Variants in FGF13 observed in about 807,000 individuals in gnomAD.
FGF13 encodes the protein fibroblast growth factor homologous factor 2.
A neutral mutation model predicts 19.5 loss-of-function variants in FGF13; 2 were observed. That is an observed-to-expected ratio of 0.10 (90% CI 0.04 to 0.32). The LOEUF is 0.32. Ranked by LOEUF, FGF13 falls within the 10% of genes least tolerant of loss-of-function variation. The pLI is 1.00. For missense variants in FGF13, 113 were observed against 192.7 expected (o/e 0.59, Z 2.45); for synonymous variants, 72 against 76.9 (o/e 0.94, Z 0.33).
At chrX:138,852,731 T>C, downstream of FGF13, among the ~76,000 whole-genome samples, 1 of 111,758 alleles carries the variant, frequency 8.9e-6, no homozygotes, top group East Asian at 2.8e-4. Flanking sequence ...AAAGAGCTTC[T>C]GCACAGCAAA....
At chrX:138,683,964 T>A (rs2124195300) in intron 3 of FGF13, among the ~76,000 whole-genome samples, 1 of 111,341 alleles carries the variant, frequency 9.0e-6, no homozygotes, top group South Asian at 3.8e-4. Flanking sequence ...AAAGACTCAT[T>A]AGAAACCTAT....
intron 3 of FGF13, among the ~76,000 whole-genome samples, chrX:138,825,014 T>C (rs2091025017): frequency 8.9e-6 from 1 of 111,871 alleles, no homozygotes; most frequent in Admixed American, 9.5e-5. Flanking sequence ...AGAAAAGTGT[T>C]CCTTTAAAGA....
exon 1 of FGF13, chrX:139,203,421 C>A (rs2084433055): frequency 1.9e-5 from 2 of 106,848 alleles, no homozygotes; most frequent in African/African-American, 3.5e-5. Context: ...CTCACCTTTG[C>A]ACGCGGCGTG....
At chrX:138,994,818 C>A (rs2092034188) in intron 1 of FGF13, among the ~76,000 whole-genome samples, 2 of 110,686 alleles carry the variant, frequency 1.8e-5, no homozygotes, top group Admixed American at 9.7e-5. Flanking sequence ...AGCATGTAAA[C>A]AAGCATCTAC....
At chrX:138,800,420 G>T (rs765724781) in intron 3 of FGF13, among the ~76,000 whole-genome samples, 5 of 111,927 alleles carry the variant, frequency 4.5e-5, no homozygotes, top group Admixed American at 9.5e-5. Context: ...CTTCTGGCTT[G>T]TAGGGTTTCT....
chrX:139,068,073 TG>T (rs2092363151), intron 1 of FGF13, among the ~76,000 whole-genome samples: 1 of 98,177 alleles, frequency 1.0e-5, no homozygotes, highest in African/African-American at 4.1e-5. Context: ...GCCTATGTCC[TG>T]AATGGTAATG....
chrX:138,899,462 C>G (rs970048689), intron 1 of FGF13, among the ~76,000 whole-genome samples: 1 of 111,045 alleles, frequency 9.0e-6, no homozygotes. Context: ...TTCCTTAGCA[C>G]AAAAAGCCAG....
At chrX:138,633,380 C>T (rs1200559227) in intron 4 of FGF13, among the ~76,000 whole-genome samples, 1 of 111,424 alleles carries the variant, frequency 9.0e-6, no homozygotes, top group Non-Finnish European at 1.9e-5. Context: ...AAGCAAAAAT[C>T]TAGCCTTGGT....
At chrX:139,003,456 C>A in intron 1 of FGF13, among the ~76,000 whole-genome samples, 1 of 111,974 alleles carries the variant, frequency 8.9e-6, no homozygotes. Context: ...GAACGTGTTG[C>A]CAATGCTGGC....
intron 1 of FGF13, among the ~76,000 whole-genome samples, chrX:139,088,862 T>TA (rs1282747779): frequency 1.8e-5 from 2 of 111,778 alleles, no homozygotes; most frequent in Admixed American, 9.5e-5. Flanking sequence ...TTGGAGGCCT[T>TA]ATGAACAGGA....
chrX:139,018,742 T>C (rs1193987673), intron 1 of FGF13, among the ~76,000 whole-genome samples: 1 of 110,663 alleles, frequency 9.0e-6, no homozygotes, highest in African/African-American at 3.3e-5. Context: ...CAGAAGGGAC[T>C]CCATCGTTGG....
intron 1 of FGF13, among the ~76,000 whole-genome samples, chrX:139,166,449 C>T (rs1037902484): frequency 6.3e-5 from 7 of 111,661 alleles, no homozygotes; most frequent in Non-Finnish European, 1.3e-4. Context: ...TATAAATTAC[C>T]CAGTATGTCT....
chrX:138,637,520 T>C (rs1229246759), intron 3 of FGF13, among the ~76,000 whole-genome samples: 2 of 112,420 alleles, frequency 1.8e-5, no homozygotes, highest in Non-Finnish European at 3.8e-5. Context: ...AATGGTGAGA[T>C]GGGATCATTG....
intron 1 of FGF13, among the ~76,000 whole-genome samples, chrX:139,030,227 A>G (rs1035143517): frequency 5.4e-5 from 6 of 111,313 alleles, no homozygotes; most frequent in Non-Finnish European, 1.1e-4. Flanking sequence ...TAAAAGCTGG[A>G]TTTTTGTCTC....
intron 1 of FGF13, among the ~76,000 whole-genome samples, chrX:138,902,243 T>C (rs1006138980): frequency 1.8e-5 from 2 of 112,543 alleles, no homozygotes; most frequent in African/African-American, 6.5e-5. Context: ...TCTGTTAGAC[T>C]GCTAGAGCAA....
intron 1 of FGF13, among the ~76,000 whole-genome samples, chrX:139,061,904 TA>T (rs1475558232): frequency 9.1e-6 from 1 of 110,339 alleles, no homozygotes; most frequent in African/African-American, 3.3e-5. Context: ...TTGCCCATTT[TA>T]AAATCAGGTT....
intron 1 of FGF13, among the ~76,000 whole-genome samples, chrX:138,908,362 C>A (rs1285132352): frequency 1.8e-5 from 2 of 108,296 alleles, no homozygotes; most frequent in African/African-American, 3.4e-5. Context: ...CAGGCGTGAG[C>A]CACCGTGCCT....
chrX:139,153,347 G>GA (rs34314115), intron 1 of FGF13, among the ~76,000 whole-genome samples: 131 of 89,095 alleles, frequency 1.5e-3, no homozygotes, highest in South Asian at 0.013. Flanking sequence ...AAGAGATAAT[G>GA]AAAAAAAAAA....
At chrX:139,204,321 C>A (rs773267882), upstream of FGF13, 11 of 252,048 alleles carry the variant, frequency 4.4e-5, no homozygotes, top group Admixed American at 4.8e-4. Context: ...GAGCCGCCGT[C>A]GCCGCCGCCG....
Sources: gnomAD v4.1 joint callset for allele counts (sites outside exome capture counted in the v4.1 genomes callset) on GRCh38, gnomAD v4.1.1 for gene constraint, MANE v1.5 for transcripts, NCBI Gene and HGNC (gene_info 2026-07-23, HGNC 2026-07-21) for gene names.